Variants in PSMB2 observed in about 807,000 individuals in gnomAD.
The protein encoded by PSMB2 is proteasome 20S subunit beta 2, also known as proteasome subunit beta type-2.
PSMB2 carries 13 observed loss-of-function variants against 25.7 expected under a neutral mutation model. The observed-to-expected ratio is 0.51, with a 90% CI of 0.33 to 0.80. The LOEUF (loss-of-function observed/expected upper bound fraction) is 0.80. Among genes scored for constraint, PSMB2 ranks in the 30% least tolerant of loss-of-function variants. The pLI is 0.02. For missense variants in PSMB2, 202 were observed against 259.0 expected (o/e 0.78, Z 1.51); for synonymous variants, 87 against 96.2 (o/e 0.90, Z 0.56).
intron 2 of PSMB2, among the ~76,000 whole-genome samples, chr1:35,633,241 A>C (rs912335672): frequency 6.6e-6 from 1 of 151,880 alleles, no homozygotes; most frequent in African/African-American, 2.4e-5. Context: ...AAAAAAAAAA[A>C]AGAAGGAACC....
intron 2 of PSMB2, among the ~76,000 whole-genome samples, chr1:35,633,873 A>C (rs1651169905): frequency 6.6e-6 from 1 of 152,270 alleles, no homozygotes. Flanking sequence ...AACTATGTGA[A>C]TAGATCTTTG....
chr1:35,603,174 C>T lies in PSMB2; in HGVS notation c.*93G>A. On this transcript the variant is annotated 3_prime_UTR_variant, in exon 6 of 6. Transcript: ENST00000373237. ...CATAGTCACCTTTATTCTGAATTAA[C>T]CATTTATCAAGAGTGCGCCTGAAAA... The T allele has an allele frequency of 2.0e-6, 3 of 1,510,066 alleles. No homozygotes were observed. Among genetic ancestry groups the T allele is most frequent in the Non-Finnish European group, 2.6e-6 (3 of 1,134,956 alleles). 93.5% of individuals were successfully genotyped at this position (1,510,066 alleles called of 1,614,324 possible). A position where few individuals can be genotyped will look rare whatever the true frequency, so the allele number is the denominator to read the frequency against.
chr1:35,633,793 A>G (rs1395837320), intron 2 of PSMB2, among the ~76,000 whole-genome samples: 1 of 152,282 alleles, frequency 6.6e-6, no homozygotes, highest in East Asian at 1.9e-4. Flanking sequence ...TATTAAGCAG[A>G]ATGCTTACCA....
At chr1:35,609,142 T>C (rs1339054797) in intron 4 of PSMB2, 104 bp downstream of exon 4, 6 of 1,164,038 alleles carry the variant, frequency 5.2e-6, no homozygotes, top group Non-Finnish European at 6.9e-6. Flanking sequence ...TTAGGATCCA[T>C]CCTATTCAAG....
In PSMB2 at chr1:35,603,005, T is replaced by C; in HGVS notation, c.*262A>G. On this transcript the variant is annotated 3_prime_UTR_variant, in exon 6 of 6. Coordinates refer to ENST00000373237, the MANE Select transcript of PSMB2 (RefSeq NM_002794.5). ...AAGCATGGAGTAGAACGTGGGGCCG[T>C]CAGCTGCTAAAGGGTACTGAGCGTT... 1 of 1,148,278 alleles carries C rather than the reference T, an allele frequency of 8.7e-7. No homozygotes were observed. The highest frequency in any genetic ancestry group is 1.6e-5 in the African/African-American group (1 of 62,422). The allele number at this position is 1,148,278 out of a possible 1,614,324, so 71.1% of individuals were successfully genotyped here.
At chr1:35,615,501 G>A (rs1002180039) in intron 3 of PSMB2, among the ~76,000 whole-genome samples, 7 of 152,152 alleles carry the variant, frequency 4.6e-5, no homozygotes, top group Non-Finnish European at 7.3e-5. Flanking sequence ...AACTAAGAGC[G>A]TGAAATTCCA....
chr1:35,609,325 G>C lies in PSMB2; in HGVS notation c.369C>G (p.Ala123=). ...PALYYMDYLA[A]LAKAPFAAHG... is the part of the protein sequence containing the mutation. ...GGGCTGCAAAAGGGGCCTTGGCCAA[G>C]GCTGCCAGGTAGTCCATGTAATACA... The change falls in exon 4 of 6, where the codon GCC becomes GCG. Residue 123 remains alanine (A), a synonymous_variant. Transcript: ENST00000373237. 1 of 1,613,526 alleles carries C rather than the reference G, an allele frequency of 6.2e-7. No individual in the cohort carries two copies. Among genetic ancestry groups the C allele is most frequent in the Non-Finnish European group, 8.5e-7 (1 of 1,179,734 alleles).
At chr1:35,633,318 T>C (rs749508549) in intron 2 of PSMB2, among the ~76,000 whole-genome samples, 1 of 152,296 alleles carries the variant, frequency 6.6e-6, no homozygotes, top group Non-Finnish European at 1.5e-5. Context: ...ATCTGACCAT[T>C]ATCCTAAAGG....
chr1:35,641,317 C>A (rs751852151), intron 1 of PSMB2, 25 bp downstream of exon 1: 2 of 1,613,878 alleles, frequency 1.2e-6, no homozygotes, highest in Admixed American at 1.7e-5. Context: ...CCAGGCCTGG[C>A]CGGGCCTCCC....
rs11264180 is a variant in PSMB2, at chr1:35,601,159, C to T, written c.*2108G>A. 30,470 of 744,770 alleles carry T rather than the reference C, an allele frequency of 0.041. 3,555 individuals carry two copies. The East Asian group carries it at 0.68, about 17-fold the overall frequency. 46.1% of individuals were successfully genotyped at this position (744,770 alleles called of 1,614,324 possible). A position where few individuals can be genotyped will look rare whatever the true frequency, so the allele number is the denominator to read the frequency against. ...TCGGCTCACTGCAACCTCCCTCTCC[C>T]GGGCTCAAGCAATTCTCCTGCCTCA... On this transcript the variant is annotated 3_prime_UTR_variant, in exon 6 of 6. Transcript: ENST00000373237.
chr1:35,626,448 TC>T (rs1484420114), intron 3 of PSMB2, among the ~76,000 whole-genome samples: 1 of 152,240 alleles, frequency 6.6e-6, no homozygotes, highest in African/African-American at 2.4e-5. Flanking sequence ...TGACACTTTT[TC>T]AGCAAACACT....
intron 5 of PSMB2, 144 bp downstream of exon 5, chr1:35,605,089 C>A (rs1571120102): frequency 2.9e-6 from 2 of 700,058 alleles, no homozygotes; most frequent in Non-Finnish European, 4.9e-6. Flanking sequence ...CAAACTCTAT[C>A]CCTGGTAGCA....
chr1:35,622,656 G>A (rs1404211258), intron 3 of PSMB2, among the ~76,000 whole-genome samples: 1 of 151,966 alleles, frequency 6.6e-6, no homozygotes, highest in Non-Finnish European at 1.5e-5. Flanking sequence ...TGGGCTCGCA[G>A]CAGGCATCCA....
At chr1:35,640,761 G>C (rs111522955) in intron 1 of PSMB2, among the ~76,000 whole-genome samples, 2 of 150,466 alleles carry the variant, frequency 1.3e-5, no homozygotes, top group Non-Finnish European at 2.9e-5. Flanking sequence ...TCAGAGATTC[G>C]GGGATCTAGA....
rs768149834 is a variant in PSMB2, at chr1:35,603,336, A to G, written c.537T>C (p.Ser179=). 5.6e-6 allele frequency: 9 copies of G among 1,614,216 alleles called. No homozygotes were observed. The highest frequency in any genetic ancestry group is 7.6e-6 in the Non-Finnish European group (9 of 1,180,014). The change falls in exon 6 of 6, where the codon AGT becomes AGC. Residue 179 remains serine (S), a synonymous_variant. Transcript: ENST00000373237. ...KRFILNLPTF[S]VRIIDKNGIH... The stretch of plus-strand genomic sequence containing the variant: ...TGCCATTTTTGTCAATGATTCGAAC[A>G]CTGAAGGTTGGCAGATTCAGGATGA...
chr1:35,632,678 G>A (rs1038628828), intron 2 of PSMB2, among the ~76,000 whole-genome samples: 1 of 152,042 alleles, frequency 6.6e-6, no homozygotes, highest in Admixed American at 6.6e-5. Context: ...CAGATCACTC[G>A]AGCCCAGGAG....
chr1:35,634,241 A>G (rs576625587), intron 2 of PSMB2, among the ~76,000 whole-genome samples: 42 of 152,386 alleles, frequency 2.8e-4, no homozygotes, highest in Non-Finnish European at 5.1e-4. Flanking sequence ...AAATATTTTC[A>G]TATGTATTAT....
chr1:35,636,256 T>C (rs892948070), intron 2 of PSMB2, 54 bp downstream of exon 2: 5 of 1,604,222 alleles, frequency 3.1e-6, no homozygotes, highest in Non-Finnish European at 4.3e-6. Flanking sequence ...GTGACTTTAG[T>C]AATGGCAGCC....
intron 4 of PSMB2, among the ~76,000 whole-genome samples, chr1:35,607,831 T>C (rs1029658391): frequency 7.9e-5 from 12 of 152,086 alleles, no homozygotes; most frequent in African/African-American, 2.9e-4. Context: ...ATAAAGAAAA[T>C]GTGGTATATA....
Sources: gnomAD v4.1 joint callset for allele counts (sites outside exome capture counted in the v4.1 genomes callset) on GRCh38, gnomAD v4.1.1 for gene constraint, MANE v1.5 for transcripts, NCBI Gene and HGNC (gene_info 2026-07-23, HGNC 2026-07-21) for gene names.